Variants in ARHGAP29 observed in about 807,000 individuals in gnomAD.
ARHGAP29 encodes rho GTPase-activating protein 29.
In ARHGAP29, 43 loss-of-function variants were observed where a neutral mutation model predicts 122.6. The observed-to-expected ratio is 0.35, with a 90% CI of 0.27 to 0.45. ARHGAP29 has a LOEUF of 0.45. Ranked by LOEUF, ARHGAP29 falls within the 20% of genes least tolerant of loss-of-function variation. The probability of loss-of-function intolerance (pLI) is 1.00; values close to 1 mark genes in which losing one functional copy is unlikely to be tolerated. For missense variants in ARHGAP29, 1,303 were observed against 1,477.2 expected (o/e 0.88, Z 1.93); for synonymous variants, 506 against 497.1 (o/e 1.02, Z -0.24).
chr1:94,299,846 GGGCAGCCAC>G, the ARHGAP29 span, among the ~76,000 whole-genome samples: 1 of 152,146 alleles, frequency 6.6e-6, no homozygotes, highest in Non-Finnish European at 1.5e-5. Context: ...TGGAGGGACT[GGGCAGCCAC>G]GCTGTGTTTG....
In ARHGAP29 at chr1:94,174,326, CTTG is replaced by C. The variant is rs754507400; in HGVS notation, c.3326_3328del (p.Thr1109del). 6.8e-6 allele frequency: 11 copies of C among 1,614,024 alleles called. No individual in the cohort carries two copies. The highest frequency in any genetic ancestry group is 1.6e-4 in the Middle Eastern group (1 of 6,084). On this transcript the variant is annotated inframe_deletion, in exon 23 of 23. Transcript: ENST00000260526. Reference sequence around the variant, plus strand: ...AGAATGGTCCCCACTAATCTGGAGGCTTGTTGTCACTCCTTTTTCCTGGAGTGC... The same window carrying C: ...AGAATGGTCCCCACTAATCTGGAGGCTTGTCACTCCTTTTTCCTGGAGTGC...
At chr1:94,265,224 A>G (rs1036182434) in intron 1 of ARHGAP29, among the ~76,000 whole-genome samples, 1 of 152,068 alleles carries the variant, frequency 6.6e-6, no homozygotes, top group Non-Finnish European at 1.5e-5. Context: ...CCTCTGGCCC[A>G]CCATATGATA....
intron 1 of ARHGAP29, among the ~76,000 whole-genome samples, chr1:94,260,847 C>A (rs551669899): frequency 6.6e-6 from 1 of 152,102 alleles, no homozygotes; most frequent in Non-Finnish European, 1.5e-5. Flanking sequence ...TGTCTGAGGG[C>A]CCACAGGATA....
intron 3 of ARHGAP29, among the ~76,000 whole-genome samples, chr1:94,209,725 T>TA (rs1651463343): frequency 2.6e-5 from 4 of 152,304 alleles, no homozygotes; most frequent in South Asian, 2.1e-4. Context: ...TCTGGCATTT[T>TA]AAAAAACAGC....
chr1:94,284,607 T>C, the ARHGAP29 span, among the ~76,000 whole-genome samples: 1 of 152,226 alleles, frequency 6.6e-6, no homozygotes, highest in African/African-American at 2.4e-5. Context: ...ATCAGCAATG[T>C]TCCAGATGGA....
rs770423227 is a variant in ARHGAP29, at chr1:94,205,090, A to G, written c.668T>C (p.Val223Ala). The G allele has an allele frequency of 2.5e-6, 4 of 1,597,066 alleles. No individual in the cohort carries two copies. Among genetic ancestry groups the G allele is most frequent in the Non-Finnish European group, 3.4e-6 (4 of 1,174,016 alleles). ...GTTAAGCTTTTTTTCAACCCATGAA[A>G]CTATGTTCTTAGTATATTTTGACCA... The part of the protein sequence containing the change: ...KTWSKYTKNI[V>A]SWVEKKLNLE... Residue 223 changes from valine (V) to alanine (A), a missense_variant, in exon 7 of 23, where the codon GTT becomes GCT. By Grantham distance (64) the Val-to-Ala change is moderately conservative (BLOSUM62 0). Coordinates refer to ENST00000260526, the MANE Select transcript of ARHGAP29 (RefSeq NM_004815.4).
intron 1 of ARHGAP29, among the ~76,000 whole-genome samples, chr1:94,233,238 C>T (rs1401944838): frequency 3.3e-5 from 5 of 152,078 alleles, no homozygotes. Flanking sequence ...CAAGCATGAG[C>T]CACCATGCCT....
At chr1:94,253,674 G>A (rs1332838182) in intron 1 of ARHGAP29, among the ~76,000 whole-genome samples, 3 of 125,220 alleles carry the variant, frequency 2.4e-5, no homozygotes, top group African/African-American at 8.1e-5. Context: ...GCACGCACAT[G>A]CACACATTAA....
At chr1:94,304,238 A>C in the ARHGAP29 span, among the ~76,000 whole-genome samples, 1 of 152,230 alleles carries the variant, frequency 6.6e-6, no homozygotes, top group Non-Finnish European at 1.5e-5. Context: ...TTCCCAGGCT[A>C]AAGCTATCCT....
Position 94,216,168 on chromosome 1 carries a change from T to C in ARHGAP29, c.340+4090A>G, listed in dbSNP as rs1651945940. On this transcript the variant is annotated intron_variant, in intron 3 of 22. Transcript: ENST00000260526. ...TGCTTGCTGATTCAGCAATTATTCA[T>C]CTAGGAATTTGCATGACTATTTATT... is the stretch of plus-strand genomic sequence containing the variant. Among the ~76,000 whole-genome samples, 3 of 152,288 alleles carry C rather than the reference T, an allele frequency of 2.0e-5. No individual in the cohort carries two copies. In the South Asian group the frequency reaches 6.2e-4, roughly 32 times the overall value.
chr1:94,192,384 T>C (rs924889219), intron 12 of ARHGAP29: 1 of 152,182 alleles, frequency 6.6e-6, no homozygotes, highest in African/African-American at 2.4e-5. Flanking sequence ...ACAAACTGAG[T>C]GCAGACAGAA....
intron 22 of ARHGAP29, 103 bp from the exon 23 acceptor site, chr1:94,174,852 T>C: frequency 7.7e-7 from 1 of 1,294,560 alleles, no homozygotes; most frequent in Non-Finnish European, 1.1e-6. Flanking sequence ...GAGTCTTACA[T>C]ATTTTTTCCA....
At chr1:94,188,997 AATACTGAC>A in intron 14 of ARHGAP29, 56 bp from the exon 15 acceptor site, 1 of 1,513,826 alleles carries the variant, frequency 6.6e-7, no homozygotes. Flanking sequence ...CATAAGGTAA[AATACTGAC>A]ATTCTATCAA....
At chr1:94,285,015 C>A in the ARHGAP29 span, among the ~76,000 whole-genome samples, 1 of 152,168 alleles carries the variant, frequency 6.6e-6, no homozygotes, top group Non-Finnish European at 1.5e-5. Flanking sequence ...AGTGCATTAG[C>A]TTTTTTGTCA....
the ARHGAP29 span, among the ~76,000 whole-genome samples, chr1:94,303,199 A>G: frequency 6.6e-6 from 1 of 152,188 alleles, no homozygotes; most frequent in Non-Finnish European, 1.5e-5. Context: ...CTTGTCAGAT[A>G]ACATTAATAA....
At chr1:94,184,093 A>G (rs1649643458) in intron 19 of ARHGAP29, 58 bp downstream of exon 19, 25 of 1,545,308 alleles carry the variant, frequency 1.6e-5, no homozygotes, top group Non-Finnish European at 2.1e-5. Context: ...AGCAAAATAC[A>G]AATCATATTT....
At chr1:94,299,709 A>T in the ARHGAP29 span, among the ~76,000 whole-genome samples, 9 of 152,060 alleles carry the variant, frequency 5.9e-5, no homozygotes, top group African/African-American at 2.2e-4. Flanking sequence ...CTTAGAATAA[A>T]CTTTGGGAAA....
chr1:94,279,558 C>T, upstream of ARHGAP29, among the ~76,000 whole-genome samples: 1 of 152,190 alleles, frequency 6.6e-6, no homozygotes, highest in East Asian at 1.9e-4. Context: ...GAATGGAGCT[C>T]CATGAAGAAG....
rs1648843659 is a variant in ARHGAP29, at chr1:94,173,032, A to G, written c.*837T>C. 1 of 152,632 alleles carries G rather than the reference A, an allele frequency of 6.6e-6. No homozygotes were observed. Among genetic ancestry groups the G allele is most frequent in the Non-Finnish European group, 1.5e-5 (1 of 68,026 alleles). The allele number at this position is 152,632 out of a possible 1,614,324, so 9.5% of individuals were successfully genotyped here. A position where few individuals can be genotyped will look rare whatever the true frequency, so the allele number is the denominator to read the frequency against. On this transcript the variant is annotated 3_prime_UTR_variant, in exon 23 of 23. Coordinates refer to ENST00000260526, the MANE Select transcript of ARHGAP29 (RefSeq NM_004815.4). ...ATCAAGAGGAAATGCACTGAATTCA[A>G]AAACTTCTGAAACAGGCATTTTTTG... is the stretch of plus-strand genomic sequence containing the variant.
Sources: gnomAD v4.1 joint callset for allele counts (sites outside exome capture counted in the v4.1 genomes callset) on GRCh38, gnomAD v4.1.1 for gene constraint, MANE v1.5 for transcripts, NCBI Gene and HGNC (gene_info 2026-07-23, HGNC 2026-07-21) for gene names.